The following LIPA variants were observed in gnomAD, a reference collection of about 807,000 sequenced individuals.
LIPA encodes lipase A, lysosomal acid type, also known as lysosomal acid lipase/cholesteryl ester hydrolase.
In LIPA, 26 loss-of-function variants were observed where a neutral mutation model predicts 40.6. The ratio of observed to expected loss-of-function variants is 0.64; its 90% confidence interval spans 0.47 to 0.89. LIPA has a LOEUF of 0.89. Among genes scored for constraint, LIPA ranks in the 40% least tolerant of loss-of-function variants. The pLI, the probability that LIPA is intolerant of heterozygous loss-of-function variation, is 0.00. For missense variants in LIPA, 455 were observed against 479.6 expected, an observed-to-expected ratio of 0.95 and a Z score of 0.48; for synonymous variants, 188 against 168.4, an observed-to-expected ratio of 1.12 and a Z score of -0.90.
chr10:89,311,219 C>G (rs549184914), intron 1 of LIPA, among the ~76,000 whole-genome samples: 3 of 152,142 alleles, frequency 2.0e-5, no homozygotes, highest in East Asian at 3.9e-4. Context: ...TCATCAAGCA[C>G]TACATTTAAA....
intron 2 of LIPA, among the ~76,000 whole-genome samples, chr10:89,375,435 T>C (rs1320818423): frequency 1.3e-5 from 2 of 152,166 alleles, no homozygotes; most frequent in Admixed American, 1.3e-4. Flanking sequence ...AAACATCCCA[T>C]TGGCCCCAAA....
At chr10:89,241,255 G>A (rs1234788005) in intron 3 of LIPA, among the ~76,000 whole-genome samples, 1 of 152,140 alleles carries the variant, frequency 6.6e-6, no homozygotes, top group African/African-American at 2.4e-5. Flanking sequence ...CTGTACAGCT[G>A]ACCTCACTTA....
chr10:89,305,697 T>A (rs1843473373), intron 1 of LIPA, among the ~76,000 whole-genome samples: 1 of 151,844 alleles, frequency 6.6e-6, no homozygotes, highest in Non-Finnish European at 1.5e-5. Flanking sequence ...ACAAAAACTG[T>A]CTTATTCATG....
chr10:89,321,702 A>C (rs1254544975), intron 1 of LIPA, among the ~76,000 whole-genome samples: 1 of 152,226 alleles, frequency 6.6e-6, no homozygotes, highest in Admixed American at 6.5e-5. Flanking sequence ...CATTTGACCC[A>C]GCCATCCCAT....
At chr10:89,219,627 T>C (rs1842671087) in intron 8 of LIPA, among the ~76,000 whole-genome samples, 1 of 152,232 alleles carries the variant, frequency 6.6e-6, no homozygotes, top group South Asian at 2.1e-4. Context: ...AGCCCTCTAA[T>C]GCCACACCTG....
intron 1 of LIPA, chr10:89,302,280 C>A: frequency 2.5e-6 from 2 of 808,278 alleles, no homozygotes; most frequent in Non-Finnish European, 4.1e-6. Flanking sequence ...GTAAATCTGT[C>A]TTACCAATGG....
chr10:89,387,499 A>G (rs1461944224), intron 2 of LIPA, among the ~76,000 whole-genome samples: 2 of 152,134 alleles, frequency 1.3e-5, no homozygotes, highest in Non-Finnish European at 2.9e-5. Flanking sequence ...TGGAGGGTAT[A>G]TAAAACTTAT....
At chr10:89,283,308 A>G (rs1843325542) in intron 1 of LIPA, among the ~76,000 whole-genome samples, 1 of 152,140 alleles carries the variant, frequency 6.6e-6, no homozygotes, top group South Asian at 2.1e-4. Flanking sequence ...CTGTCCATAA[A>G]TCTTCTACCA....
chr10:89,249,134 T>A (rs923171896), intron 1 of LIPA, among the ~76,000 whole-genome samples: 3 of 152,200 alleles, frequency 2.0e-5, no homozygotes, highest in African/African-American at 7.2e-5. Flanking sequence ...TTTAAATTTG[T>A]CATTCATGGG....
At chr10:89,376,847 A>G (rs1222960210) in intron 2 of LIPA, among the ~76,000 whole-genome samples, 2 of 152,288 alleles carry the variant, frequency 1.3e-5, no homozygotes, top group South Asian at 2.1e-4. Context: ...ACCACACCTT[A>G]CCACATGGGA....
chr10:89,239,754 C>T (rs1842944110), intron 3 of LIPA, among the ~76,000 whole-genome samples: 1 of 152,200 alleles, frequency 6.6e-6, no homozygotes, highest in East Asian at 1.9e-4. Context: ...TCCACGCACC[C>T]AGGATGGTGC....
intron 4 of LIPA, among the ~76,000 whole-genome samples, 160 bp downstream of exon 4, chr10:89,228,040 A>G (rs80057374): frequency 1.3e-3 from 195 of 152,350 alleles, no homozygotes; most frequent in African/African-American, 4.5e-3. Flanking sequence ...ACTGCTAGTC[A>G]TTAAATTCCT....
chr10:89,354,767 C>T (rs757433598), intron 2 of LIPA, among the ~76,000 whole-genome samples: 7 of 152,170 alleles, frequency 4.6e-5, no homozygotes, highest in South Asian at 2.1e-4. Flanking sequence ...GGGGTTTCAC[C>T]GTCTTGGCCA....
At chr10:89,353,346 A>G (rs1445589080) in intron 2 of LIPA, among the ~76,000 whole-genome samples, 1 of 152,134 alleles carries the variant, frequency 6.6e-6, no homozygotes, top group Non-Finnish European at 1.5e-5. Flanking sequence ...TAGGGAAACA[A>G]TGCCTCAAGT....
chr10:89,353,062 T>C (rs1843968525), intron 2 of LIPA, among the ~76,000 whole-genome samples: 2 of 152,028 alleles, frequency 1.3e-5, no homozygotes, highest in South Asian at 4.1e-4. Context: ...TTAGAGTAGG[T>C]AGTTAGACAT....
chr10:89,402,818 T>C (rs1203088209), intron 2 of LIPA: 1 of 1,614,222 alleles, frequency 6.2e-7, no homozygotes, highest in Admixed American at 1.7e-5. Context: ...GCGCTGGGTA[T>C]GCGATCTCTG....
At chr10:89,320,613 G>T (rs967506802) in intron 1 of LIPA, among the ~76,000 whole-genome samples, 6 of 152,172 alleles carry the variant, frequency 3.9e-5, no homozygotes, top group African/African-American at 1.4e-4. Flanking sequence ...TGGATAAGAA[G>T]AATCAATATC....
intron 1 of LIPA, among the ~76,000 whole-genome samples, chr10:89,305,620 T>A (rs1843472976): frequency 1.3e-5 from 2 of 152,034 alleles, no homozygotes; most frequent in Admixed American, 1.3e-4. Context: ...CTTACTTCTT[T>A]AAAACTACAT....
chr10:89,292,614 G>A (rs1025085485), intron 1 of LIPA: 2 of 152,130 alleles, frequency 1.3e-5, no homozygotes, highest in African/African-American at 4.8e-5. Context: ...ATACATAGTA[G>A]TCCACTCAAT....
Sources: allele counts gnomAD v4.1 joint callset (sites outside exome capture counted in the v4.1 genomes callset), GRCh38; gene constraint gnomAD v4.1.1; transcripts MANE v1.5; gene names NCBI Gene and HGNC (gene_info 2026-07-23, HGNC 2026-07-21).